The following AGBL4 variants were observed in gnomAD, a reference collection of about 807,000 sequenced individuals.
AGBL4 encodes the protein cytosolic carboxypeptidase 6.
Under a neutral mutation model 66.4 loss-of-function variants are expected in AGBL4, and 58 were observed. The observed-to-expected ratio is 0.87, with a 90% CI of 0.71 to 1.09. AGBL4 has a LOEUF of 1.09. Among genes scored for constraint, AGBL4 ranks in the 50% least tolerant of loss-of-function variants. The pLI, the probability that AGBL4 is intolerant of heterozygous loss-of-function variation, is 0.00. For synonymous variants in AGBL4, 234 were observed against 222.9 expected (o/e 1.05, Z -0.44); for missense variants, 579 against 631.0 (o/e 0.92, Z 0.88).
At chr1:48,794,733 C>G (rs577749778) in intron 6 of AGBL4, among the ~76,000 whole-genome samples, 2 of 152,204 alleles carry the variant, frequency 1.3e-5, no homozygotes, top group Non-Finnish European at 2.9e-5. Context: ...CCTTGACCCC[C>G]ATTTCAGATG....
rs866967869 is a variant in AGBL4, at chr1:49,964,685, C to A, written c.34+59078G>T. On this transcript the variant is annotated intron_variant, in intron 1 of 13. Coordinates refer to ENST00000371839, the MANE Select transcript of AGBL4 (RefSeq NM_032785.4). ...GATAATTATCTATTAGATTTTAAAA[C>A]AATGTATTATGTCATTAAAAAATGA... 3.3e-5 allele frequency among the ~76,000 whole-genome samples: 5 copies of A among 152,008 alleles called. No homozygotes were observed. In the South Asian group the frequency reaches 1.0e-3, roughly 32 times the overall value.
chr1:49,190,346 C>G (rs1647093191), intron 4 of AGBL4, among the ~76,000 whole-genome samples: 1 of 152,166 alleles, frequency 6.6e-6, no homozygotes, highest in African/African-American at 2.4e-5. Context: ...CCTAGGTACA[C>G]AGATGAGTCC....
chr1:49,856,304 C>T (rs2148073587), intron 1 of AGBL4, among the ~76,000 whole-genome samples: 1 of 152,128 alleles, frequency 6.6e-6, no homozygotes, highest in East Asian at 1.9e-4. Flanking sequence ...CTGAAATCTA[C>T]CAAACTTTTT....
intron 3 of AGBL4, among the ~76,000 whole-genome samples, chr1:49,628,188 C>G (rs1645500857): frequency 6.6e-6 from 1 of 152,076 alleles, no homozygotes; most frequent in East Asian, 1.9e-4. Flanking sequence ...ATCTCTGTGG[C>G]CTATGTAGTG....
chr1:48,663,275 G>A (rs1646136447), intron 6 of AGBL4, 34 bp from the exon 7 acceptor site: 2 of 1,610,222 alleles, frequency 1.2e-6, no homozygotes, highest in African/African-American at 1.3e-5. Context: ...TTGCTAAGGA[G>A]GGCAAGAAAA....
intron 1 of AGBL4, among the ~76,000 whole-genome samples, chr1:49,880,365 G>A (rs541131990): frequency 3.3e-5 from 5 of 151,962 alleles, no homozygotes; most frequent in African/African-American, 1.2e-4. Context: ...CTGTTTGTTA[G>A]TTTTCCTTCT....
chr1:49,732,865 C>T (rs1226130255), intron 2 of AGBL4, among the ~76,000 whole-genome samples: 2 of 152,014 alleles, frequency 1.3e-5, no homozygotes, highest in Non-Finnish European at 2.9e-5. Flanking sequence ...CAGCTCAAAG[C>T]TTCTAAAATC....
chr1:49,350,196 T>G (rs1355604576), intron 3 of AGBL4, among the ~76,000 whole-genome samples: 6 of 151,506 alleles, frequency 4.0e-5, no homozygotes. Context: ...TGTTTTTTTT[T>G]TTGTTTTGTT....
intron 5 of AGBL4, among the ~76,000 whole-genome samples, chr1:48,938,643 C>T (rs1655681861): frequency 1.3e-5 from 2 of 152,210 alleles, no homozygotes; most frequent in African/African-American, 4.8e-5. Context: ...TCTATCCCCA[C>T]AGACTTCTAC....
intron 5 of AGBL4, among the ~76,000 whole-genome samples, chr1:49,022,362 G>A (rs1421442497): frequency 5.9e-5 from 9 of 151,732 alleles, no homozygotes; most frequent in Non-Finnish European, 1.0e-4. Context: ...ATAATATCTC[G>A]GTGGGAAGGC....
chr1:49,026,432 G>GGTT (rs775297288), intron 5 of AGBL4, among the ~76,000 whole-genome samples: 9 of 152,128 alleles, frequency 5.9e-5, no homozygotes, highest in Non-Finnish European at 1.2e-4. Context: ...AAATAGGGCA[G>GGTT]GAAATACCAG....
intron 3 of AGBL4, among the ~76,000 whole-genome samples, chr1:49,689,940 A>C (rs1219379493): frequency 6.6e-6 from 1 of 152,168 alleles, no homozygotes; most frequent in Non-Finnish European, 1.5e-5. Flanking sequence ...ACAGAGAAGT[A>C]TTTCATGAGT....
At chr1:49,381,196 G>C (rs961652701) in intron 3 of AGBL4, among the ~76,000 whole-genome samples, 6 of 152,118 alleles carry the variant, frequency 3.9e-5, no homozygotes, top group Admixed American at 6.6e-5. Flanking sequence ...GATATGAACA[G>C]ACACTTCTCA....
intron 3 of AGBL4, among the ~76,000 whole-genome samples, chr1:49,695,385 C>G (rs1052574320): frequency 6.6e-6 from 1 of 152,060 alleles, no homozygotes; most frequent in Non-Finnish European, 1.5e-5. Context: ...AAGACTCAGT[C>G]TAGTACATGT....
At chr1:49,097,033 T>C (rs1311768324) in intron 4 of AGBL4, among the ~76,000 whole-genome samples, 1 of 152,186 alleles carries the variant, frequency 6.6e-6, no homozygotes, top group African/African-American at 2.4e-5. Flanking sequence ...GACTTTAGCC[T>C]CATAAGTCTC....
Position 48,662,295 on chromosome 1 carries a change from G to T in AGBL4, c.724+857C>A, listed in dbSNP as rs1646119609. 3.3e-5 allele frequency among the ~76,000 whole-genome samples: 5 copies of T among 152,162 alleles called. No homozygotes were observed. The South Asian group carries it at 1.0e-3, about 32-fold the overall frequency. On this transcript the variant is annotated intron_variant, in intron 7 of 13. Transcript: ENST00000371839. Reference sequence around the variant, plus strand: ...ATGCCAGCTTCGTAACAGCCTGCCTGGGTAGTATCATTTTACATTTGAGGC... The same window carrying T: ...ATGCCAGCTTCGTAACAGCCTGCCTTGGTAGTATCATTTTACATTTGAGGC...
At chr1:49,241,559 C>T (rs529910632) in intron 4 of AGBL4, among the ~76,000 whole-genome samples, 1 of 152,052 alleles carries the variant, frequency 6.6e-6, no homozygotes, top group East Asian at 1.9e-4. Context: ...TTTACTAGAG[C>T]TACATATTTA....
intron 1 of AGBL4, among the ~76,000 whole-genome samples, chr1:49,918,570 C>G (rs9727709): frequency 0.68 from 103,464 of 151,620 alleles, 35,996 homozygotes; most frequent in African/African-American, 0.77. Flanking sequence ...CCAATAACAG[C>G]CTCTGAAATT....
At chr1:48,572,413 GA>G (rs1205606404) in intron 11 of AGBL4, among the ~76,000 whole-genome samples, 1 of 151,192 alleles carries the variant, frequency 6.6e-6, no homozygotes, top group East Asian at 2.0e-4. Flanking sequence ...TAAGGCGGAA[GA>G]AAAAGAGAAA....
Sources: gnomAD v4.1 joint callset for allele counts (sites outside exome capture counted in the v4.1 genomes callset) on GRCh38, gnomAD v4.1.1 for gene constraint, MANE v1.5 for transcripts, NCBI Gene and HGNC (gene_info 2026-07-23, HGNC 2026-07-21) for gene names.